The following GRID2 variants were observed in gnomAD, a reference collection of about 807,000 sequenced individuals.
GRID2 encodes the protein glutamate receptor ionotropic, delta-2.
Under a neutral mutation model 114.8 loss-of-function variants are expected in GRID2, and 33 were observed. The observed-to-expected ratio is 0.29, with a 90% CI of 0.22 to 0.38. GRID2 has a LOEUF of 0.38. GRID2 is among the 10% of genes least tolerant of loss of function. The pLI is 1.00. For synonymous variants in GRID2, 505 were observed against 449.9 expected (o/e 1.12, Z -1.55); for missense variants, 1,184 against 1,257.7 (o/e 0.94, Z 0.89).
chr4:92,930,270 C>T (rs80175814), intron 2 of GRID2, among the ~76,000 whole-genome samples: 2,211 of 151,272 alleles, frequency 0.015, 24 homozygotes, highest in South Asian at 0.045. Context: ...TAGCATGGAA[C>T]ATTATTTAGC....
chr4:92,537,382 T>C (rs1010826960), intron 1 of GRID2, among the ~76,000 whole-genome samples: 3 of 152,258 alleles, frequency 2.0e-5, no homozygotes, highest in African/African-American at 2.4e-5. Context: ...AAGACCTAGA[T>C]TGATATATTA....
At chr4:92,972,263 T>C (rs1185758638) in intron 2 of GRID2, among the ~76,000 whole-genome samples, 1 of 151,872 alleles carries the variant, frequency 6.6e-6, no homozygotes, top group East Asian at 1.9e-4. Context: ...TGATATCTCA[T>C]TATGGTTTTG....
intron 2 of GRID2, among the ~76,000 whole-genome samples, chr4:92,725,679 C>T (rs1736034032): frequency 6.6e-6 from 1 of 152,056 alleles, no homozygotes; most frequent in Admixed American, 6.6e-5. Context: ...GAAATAAATG[C>T]TTTGTAGAGT....
chr4:92,380,967 A>G (rs1729594097), intron 1 of GRID2, among the ~76,000 whole-genome samples: 1 of 152,030 alleles, frequency 6.6e-6, no homozygotes, highest in Admixed American at 6.6e-5. Context: ...ACTTTGCAAT[A>G]TCAGAAATAT....
At chr4:93,099,930 C>A (rs530493178) in intron 3 of GRID2, among the ~76,000 whole-genome samples, 2 of 151,782 alleles carry the variant, frequency 1.3e-5, no homozygotes, top group Admixed American at 1.3e-4. Context: ...TTATGATTAC[C>A]CAGAGAGTGT....
intron 4 of GRID2, among the ~76,000 whole-genome samples, chr4:93,147,869 T>C (rs1736403819): frequency 6.6e-6 from 1 of 152,194 alleles, no homozygotes; most frequent in Admixed American, 6.5e-5. Flanking sequence ...TGTTTTACTT[T>C]TAAATGTTTA....
chr4:92,616,660 CA>C (rs1447781808), intron 2 of GRID2, among the ~76,000 whole-genome samples: 1 of 149,842 alleles, frequency 6.7e-6, no homozygotes, highest in African/African-American at 2.4e-5. Context: ...TTTTTTTCCT[CA>C]AAGAAAAAAA....
chr4:92,775,021 G>C (rs1013946271), intron 2 of GRID2, among the ~76,000 whole-genome samples: 1 of 152,112 alleles, frequency 6.6e-6, no homozygotes, highest in African/African-American at 2.4e-5. Flanking sequence ...TGGAGACTGG[G>C]CTTGGGAAGA....
intron 14 of GRID2, among the ~76,000 whole-genome samples, chr4:93,633,893 C>A (rs529130115): frequency 2.1e-4 from 32 of 152,250 alleles, no homozygotes; most frequent in African/African-American, 6.7e-4. Context: ...GTTCACCATT[C>A]AGCAAGGGGA....
chr4:93,224,571 T>A (rs1745269773), intron 6 of GRID2, 43 bp from the exon 7 acceptor site: 2 of 1,268,616 alleles, frequency 1.6e-6, no homozygotes, highest in African/African-American at 1.5e-5. Flanking sequence ...TCCTGATGAC[T>A]GGTGTCAATG....
At chr4:93,533,072 T>C (rs1204207566) in intron 13 of GRID2, among the ~76,000 whole-genome samples, 1 of 152,158 alleles carries the variant, frequency 6.6e-6, no homozygotes, top group African/African-American at 2.4e-5. Flanking sequence ...ATATTCTCTA[T>C]TAGTCATCCA....
chr4:93,669,966 A>C lies in GRID2; in HGVS notation c.2360+43531A>C, dbSNP rs146765821. Among the ~76,000 whole-genome samples the C allele has an allele frequency of 5.0e-3, 755 of 152,252 alleles. 4 individuals carry two copies. The highest frequency in any genetic ancestry group is 0.017 in the African/African-American group (722 of 41,546). ...TTAAAATTCCAATGCTATACCCTTG[A>C]AATACCTAACTTCTAACAGTATAAC... On this transcript the variant is annotated intron_variant, in intron 14 of 15. Coordinates refer to ENST00000282020, the MANE Select transcript of GRID2 (RefSeq NM_001510.4).
At chr4:93,059,052 C>G (rs1197377749) in intron 2 of GRID2, among the ~76,000 whole-genome samples, 1 of 151,966 alleles carries the variant, frequency 6.6e-6, no homozygotes, top group African/African-American at 2.4e-5. Context: ...AAAGTAAATT[C>G]TATCTCTAGA....
At chr4:93,645,585 C>G (rs1722034799) in intron 14 of GRID2, among the ~76,000 whole-genome samples, 1 of 152,126 alleles carries the variant, frequency 6.6e-6, no homozygotes, top group Non-Finnish European at 1.5e-5. Flanking sequence ...TCCATGGTCA[C>G]AAACCTAATT....
intron 14 of GRID2, among the ~76,000 whole-genome samples, chr4:93,627,815 A>G (rs774334171): frequency 2.6e-5 from 4 of 152,226 alleles, no homozygotes; most frequent in Non-Finnish European, 5.9e-5. Context: ...AGCAAGTCTC[A>G]TGGCCAAGCC....
intron 4 of GRID2, among the ~76,000 whole-genome samples, chr4:93,148,329 C>A (rs561869327): frequency 6.6e-6 from 1 of 152,160 alleles, no homozygotes; most frequent in South Asian, 2.1e-4. Context: ...TACACTGAGA[C>A]CTTAGTATAA....
At position 93,733,198 on chromosome 4, in the gene GRID2, G is replaced by A. The variant is rs183928593; in HGVS notation, c.2361-36012G>A. Among the ~76,000 whole-genome samples the A allele has an allele frequency of 1.2e-3, 179 of 152,190 alleles. 1 individual carries two copies. The highest frequency in any genetic ancestry group is 4.2e-3 in the African/African-American group (173 of 41,550). On this transcript the variant is annotated intron_variant, in intron 14 of 15. Transcript: ENST00000282020. ...GAGCAATTGGTCACTTGTGGGAAATGCAGCTATATGTACACACTGATATAT... is the reference window on the plus strand; with the variant it reads ...GAGCAATTGGTCACTTGTGGGAAATACAGCTATATGTACACACTGATATAT...
At chr4:93,067,156 T>C (rs1417311911) in intron 2 of GRID2, among the ~76,000 whole-genome samples, 1 of 152,054 alleles carries the variant, frequency 6.6e-6, no homozygotes. Flanking sequence ...AGCCTTTCTC[T>C]GATGACTGCA....
At chr4:92,517,503 T>C (rs1302428846) in intron 1 of GRID2, among the ~76,000 whole-genome samples, 2 of 151,942 alleles carry the variant, frequency 1.3e-5, no homozygotes, top group Non-Finnish European at 2.9e-5. Context: ...TGTGTGTGAA[T>C]GTGTATGTTG....
Sources: allele counts gnomAD v4.1 joint callset (sites outside exome capture counted in the v4.1 genomes callset), GRCh38; gene constraint gnomAD v4.1.1; transcripts MANE v1.5; gene names NCBI Gene and HGNC (gene_info 2026-07-23, HGNC 2026-07-21).